Variants in GPM6A observed in about 807,000 individuals in gnomAD.
The protein encoded by GPM6A is glycoprotein M6A.
GPM6A carries 7 observed loss-of-function variants against 32.1 expected under a neutral mutation model. The ratio of observed to expected loss-of-function variants is 0.22; its 90% confidence interval spans 0.12 to 0.41. The LOEUF (loss-of-function observed/expected upper bound fraction) is 0.41, where lower values mean the gene tolerates loss of function less well. Among genes scored for constraint, GPM6A ranks in the 10% least tolerant of loss-of-function variants. The pLI is 1.00. For synonymous variants in GPM6A, 130 were observed against 123.4 expected (o/e 1.05, Z -0.35); for missense variants, 235 against 347.2 (o/e 0.68, Z 2.57).
chr4:175,999,709 G>T (rs1472149958), intron 1 of GPM6A, among the ~76,000 whole-genome samples: 1 of 151,942 alleles, frequency 6.6e-6, no homozygotes, highest in Non-Finnish European at 1.5e-5. Context: ...CTTTCTTTAA[G>T]TGATAAATTT....
At chr4:175,880,089 T>C (rs1317887099) in intron 1 of GPM6A, among the ~76,000 whole-genome samples, 4 of 152,236 alleles carry the variant, frequency 2.6e-5, no homozygotes, top group Non-Finnish European at 4.4e-5. Context: ...GGATCCAGTT[T>C]CAGCTTTCTG....
intron 1 of GPM6A, among the ~76,000 whole-genome samples, chr4:175,713,786 TG>T (rs905453739): frequency 6.6e-6 from 1 of 152,330 alleles, no homozygotes; most frequent in Non-Finnish European, 1.5e-5. Flanking sequence ...AAGGCATTTT[TG>T]TATCCTCTAG....
chr4:175,852,185 T>G (rs1293758532), intron 1 of GPM6A, among the ~76,000 whole-genome samples: 1 of 151,956 alleles, frequency 6.6e-6, no homozygotes, highest in Non-Finnish European at 1.5e-5. Context: ...ATTCCTAGGA[T>G]GTAACAGATA....
intron 1 of GPM6A, among the ~76,000 whole-genome samples, chr4:175,724,997 C>A (rs753233192): frequency 6.6e-6 from 1 of 152,166 alleles, no homozygotes; most frequent in Non-Finnish European, 1.5e-5. Context: ...TCTTCCCTTA[C>A]ATATCTCCTG....
At chr4:175,636,993 A>T (rs1485652261) in intron 6 of GPM6A, among the ~76,000 whole-genome samples, 1 of 135,034 alleles carries the variant, frequency 7.4e-6, no homozygotes, top group Non-Finnish European at 1.6e-5. Flanking sequence ...TATATATAAG[A>T]TAAAAAATAT....
chr4:175,666,206 C>T (rs1742745574), intron 3 of GPM6A, among the ~76,000 whole-genome samples: 2 of 152,094 alleles, frequency 1.3e-5, no homozygotes, highest in Admixed American at 6.6e-5. Context: ...ATGCGTGAGC[C>T]ACTGTGCCCG....
At chr4:175,928,569 A>G (rs1738923708) in intron 1 of GPM6A, among the ~76,000 whole-genome samples, 1 of 152,154 alleles carries the variant, frequency 6.6e-6, no homozygotes, top group South Asian at 2.1e-4. Flanking sequence ...ACAAAAGAGG[A>G]GTGTATTGCA....
At chr4:175,713,057 C>A (rs181358213) in intron 1 of GPM6A, among the ~76,000 whole-genome samples, 1 of 152,064 alleles carries the variant, frequency 6.6e-6, no homozygotes, top group Non-Finnish European at 1.5e-5. Context: ...AGCTCCCTGG[C>A]ATAAAGTCTA....
intron 1 of GPM6A, among the ~76,000 whole-genome samples, chr4:175,844,093 T>C (rs183959568): frequency 6.6e-6 from 1 of 152,338 alleles, no homozygotes; most frequent in Non-Finnish European, 1.5e-5. Flanking sequence ...TCCTTGGCTG[T>C]AAATCCCAAG....
chr4:175,765,086 C>G (rs186946903), intron 1 of GPM6A, among the ~76,000 whole-genome samples: 4 of 152,162 alleles, frequency 2.6e-5, no homozygotes, highest in African/African-American at 9.6e-5. Context: ...GTTGGCCAGG[C>G]TGGTCTCGAA....
intron 2 of GPM6A, among the ~76,000 whole-genome samples, chr4:175,692,642 T>C (rs529295060): frequency 6.6e-6 from 1 of 152,238 alleles, no homozygotes; most frequent in East Asian, 1.9e-4. Context: ...TTTTAATGTT[T>C]TTATAACACT....
chr4:175,711,902 C>A (rs1216389693), intron 1 of GPM6A, among the ~76,000 whole-genome samples: 7 of 151,352 alleles, frequency 4.6e-5, no homozygotes, highest in Non-Finnish European at 7.4e-5. Context: ...CTTTCCTGGT[C>A]ATGTGACAAG....
intron 1 of GPM6A, among the ~76,000 whole-genome samples, chr4:175,931,841 T>C (rs1446201852): frequency 1.3e-5 from 2 of 151,890 alleles, no homozygotes; most frequent in African/African-American, 2.4e-5. Flanking sequence ...TCCCAGCATT[T>C]TGGGAGGCCA....
intron 1 of GPM6A, among the ~76,000 whole-genome samples, chr4:175,850,199 T>C (rs1034264496): frequency 6.6e-6 from 1 of 152,194 alleles, no homozygotes; most frequent in African/African-American, 2.4e-5. Flanking sequence ...TTCTAAACTC[T>C]ACTTTAGAAC....
chr4:175,895,565 A>G (rs1017266970), intron 1 of GPM6A, among the ~76,000 whole-genome samples: 3 of 152,180 alleles, frequency 2.0e-5, no homozygotes, highest in African/African-American at 7.2e-5. Flanking sequence ...CAAGAGATAT[A>G]TAGTTACTAA....
intron 1 of GPM6A, among the ~76,000 whole-genome samples, chr4:175,944,502 C>CA (rs199598153): frequency 0.059 from 9,035 of 152,130 alleles, 830 homozygotes; most frequent in African/African-American, 0.2. Flanking sequence ...CATTCATTTA[C>CA]ATAGATTAAA....
chr4:175,759,122 A>G (rs1452252246), intron 1 of GPM6A, among the ~76,000 whole-genome samples: 3 of 152,166 alleles, frequency 2.0e-5, no homozygotes, highest in Non-Finnish European at 4.4e-5. Context: ...CAGGTTACAG[A>G]TGCTCTTGAA....
intron 1 of GPM6A, among the ~76,000 whole-genome samples, chr4:175,916,312 C>A (rs1440373365): frequency 6.6e-6 from 1 of 152,192 alleles, no homozygotes; most frequent in Non-Finnish European, 1.5e-5. Flanking sequence ...TTTAGTGCAT[C>A]CCCTGACTCT....
At chr4:175,828,331 G>A (rs1282929367) in intron 1 of GPM6A, among the ~76,000 whole-genome samples, 1 of 152,150 alleles carries the variant, frequency 6.6e-6, no homozygotes, top group African/African-American at 2.4e-5. Flanking sequence ...ATTGTTAATT[G>A]TGTCAAAAAT....
Sources: gnomAD v4.1 joint callset for allele counts (sites outside exome capture counted in the v4.1 genomes callset) on GRCh38, gnomAD v4.1.1 for gene constraint, MANE v1.5 for transcripts, NCBI Gene and HGNC (gene_info 2026-07-23, HGNC 2026-07-21) for gene names.